Variants in PHKB observed in about 807,000 individuals in gnomAD.
PHKB encodes phosphorylase kinase regulatory subunit beta, also known as phosphorylase b kinase regulatory subunit beta.
Under a neutral mutation model 152.1 loss-of-function variants are expected in PHKB, and 122 were observed. The observed-to-expected ratio is 0.80, with a 90% CI of 0.69 to 0.93. The LOEUF (loss-of-function observed/expected upper bound fraction) is 0.93, where lower values mean the gene tolerates loss of function less well. PHKB is among the 40% of genes least tolerant of loss of function. The probability of loss-of-function intolerance (pLI) is 0.00; values close to 1 mark genes in which losing one functional copy is unlikely to be tolerated. For missense variants in PHKB, 1,304 were observed against 1,328.4 expected, an observed-to-expected ratio of 0.98 and a Z score of 0.29; for synonymous variants, 436 against 464.9, an observed-to-expected ratio of 0.94 and a Z score of 0.80.
chr16:47,556,116 G>A (rs1170441903), intron 7 of PHKB, among the ~76,000 whole-genome samples: 1 of 152,166 alleles, frequency 6.6e-6, no homozygotes, highest in African/African-American at 2.4e-5. Flanking sequence ...TTTGTACATT[G>A]ATTTTGTATC....
chr16:47,510,848 A>G (rs1470536391), intron 4 of PHKB, among the ~76,000 whole-genome samples: 1 of 152,190 alleles, frequency 6.6e-6, no homozygotes. Context: ...TTTAAAAGAG[A>G]AGTAAATTAT....
chr16:47,645,165 C>T (rs1266419466), intron 16 of PHKB, among the ~76,000 whole-genome samples: 2 of 151,088 alleles, frequency 1.3e-5, no homozygotes, highest in African/African-American at 4.9e-5. Flanking sequence ...TTGTAGGTTG[C>T]CTGTTCACTC....
intron 14 of PHKB, among the ~76,000 whole-genome samples, chr16:47,633,002 G>A (rs914987599): frequency 3.3e-5 from 5 of 152,060 alleles, no homozygotes; most frequent in Non-Finnish European, 5.9e-5. Flanking sequence ...CTCTTCCACC[G>A]TACACTTAAA....
At chr16:47,475,319 A>T (rs1969849749) in intron 1 of PHKB, among the ~76,000 whole-genome samples, 1 of 152,222 alleles carries the variant, frequency 6.6e-6, no homozygotes. Flanking sequence ...AAGTTGGGAC[A>T]TCTCAAGTTC....
chr16:47,602,559 T>C (rs1272716739), intron 13 of PHKB, among the ~76,000 whole-genome samples: 1 of 150,230 alleles, frequency 6.7e-6, no homozygotes, highest in Non-Finnish European at 1.5e-5. Context: ...TTTTTTTTTT[T>C]TTTCTTTTCT....
intron 6 of PHKB, among the ~76,000 whole-genome samples, chr16:47,533,887 T>G (rs1352065408): frequency 6.6e-6 from 1 of 152,072 alleles, no homozygotes; most frequent in Non-Finnish European, 1.5e-5. Context: ...CAGCTGCAGC[T>G]GCACCAGGGA....
chr16:47,483,238 C>T (rs932925920), intron 1 of PHKB, among the ~76,000 whole-genome samples: 8 of 151,138 alleles, frequency 5.3e-5, no homozygotes, highest in East Asian at 1.9e-4. Flanking sequence ...AGTAGAGACG[C>T]GGTTTCACTA....
At chr16:47,647,400 A>C (rs2151729704) in intron 16 of PHKB, among the ~76,000 whole-genome samples, 1 of 152,300 alleles carries the variant, frequency 6.6e-6, no homozygotes. Flanking sequence ...TTGGGATTAC[A>C]GGCGTGAGCC....
chr16:47,575,113 A>G (rs781434719), intron 7 of PHKB, among the ~76,000 whole-genome samples: 1 of 152,218 alleles, frequency 6.6e-6, no homozygotes, highest in Non-Finnish European at 1.5e-5. Context: ...AATGCTCAAC[A>G]TCACTAATCA....
chr16:47,581,996 A>G (rs1475137755), intron 8 of PHKB, among the ~76,000 whole-genome samples: 1 of 152,174 alleles, frequency 6.6e-6, no homozygotes, highest in East Asian at 1.9e-4. Context: ...TGTTGCTATT[A>G]TTTATGAAGT....
chr16:47,564,321 C>T (rs1405994518), intron 7 of PHKB, among the ~76,000 whole-genome samples: 1 of 152,090 alleles, frequency 6.6e-6, no homozygotes, highest in Non-Finnish European at 1.5e-5. Flanking sequence ...CGTTTCACTG[C>T]ATCCACACCA....
intron 6 of PHKB, among the ~76,000 whole-genome samples, chr16:47,541,625 T>C (rs1297298780): frequency 6.6e-6 from 1 of 152,194 alleles, no homozygotes; most frequent in Non-Finnish European, 1.5e-5. Context: ...AGTGTAAAAG[T>C]GTTCCTATTT....
rs764252270 is a variant in PHKB, at chr16:47,693,488, C to A, written c.2876C>A (p.Ala959Asp). Residue 959 changes from alanine to aspartate, a missense_variant, in exon 28 of 31, where the codon GCT becomes GAT. Physicochemically the swap from Ala to Asp is moderately radical, Grantham distance 126. Coordinates refer to ENST00000323584, the MANE Select transcript of PHKB (RefSeq NM_000293.3). ...LERTPNGIIV[A>D]GKHLPQQPTL... Reference sequence around the variant, plus strand: ...CGCACGCCCAATGGGATCATTGTTGCTGGGAAGCATTTGCCTCAGGTAAAG... The same window carrying A: ...CGCACGCCCAATGGGATCATTGTTGATGGGAAGCATTTGCCTCAGGTAAAG... The A allele has an allele frequency of 1.9e-6, 3 of 1,614,026 alleles. No homozygotes were observed. In the Admixed American group the frequency reaches 5.0e-5, roughly 27 times the overall value.
At chr16:47,487,630 G>A (rs181559999) in intron 1 of PHKB, among the ~76,000 whole-genome samples, 6 of 152,138 alleles carry the variant, frequency 3.9e-5, no homozygotes, top group Non-Finnish European at 5.9e-5. Context: ...TGTGTCTATT[G>A]TTCCCTTCTT....
At chr16:47,682,364 A>T (rs1973876499) in intron 26 of PHKB, among the ~76,000 whole-genome samples, 3 of 152,124 alleles carry the variant, frequency 2.0e-5, no homozygotes, top group South Asian at 4.1e-4. Flanking sequence ...GTGTTTTCCA[A>T]CTTGGTTCCA....
Position 47,463,968 on chromosome 16 carries a change from T to A in PHKB, c.76+2542T>A. The A allele has an allele frequency of 6.2e-7, 1 of 1,613,620 alleles. No individual in the cohort carries two copies. On this transcript the variant is annotated intron_variant, in intron 1 of 30. Transcript: ENST00000323584. ...CCTGCTCACCTGATGCAGTCGTCTCTCCGTCTTCCGCTTTCTTAAGGTCTG... is the reference window on the plus strand; with the variant it reads ...CCTGCTCACCTGATGCAGTCGTCTCACCGTCTTCCGCTTTCTTAAGGTCTG...
chr16:47,466,583 G>C (rs1006639853), intron 1 of PHKB, among the ~76,000 whole-genome samples: 2 of 152,176 alleles, frequency 1.3e-5, no homozygotes, highest in African/African-American at 4.8e-5. Context: ...TTATCAGCCA[G>C]CTGGTAAGTG....
chr16:47,658,449 A>C (rs971360030), intron 20 of PHKB, among the ~76,000 whole-genome samples: 2 of 152,052 alleles, frequency 1.3e-5, no homozygotes, highest in Non-Finnish European at 2.9e-5. Flanking sequence ...TGACATAATA[A>C]ATACATATAT....
At chr16:47,560,692 C>G (rs549441659) in intron 7 of PHKB, among the ~76,000 whole-genome samples, 6 of 152,234 alleles carry the variant, frequency 3.9e-5, no homozygotes, top group African/African-American at 1.4e-4. Flanking sequence ...AGTGCTGGGA[C>G]AGCTGGATGT....
Sources: gnomAD v4.1 joint callset for allele counts (sites outside exome capture counted in the v4.1 genomes callset) on GRCh38, gnomAD v4.1.1 for gene constraint, MANE v1.5 for transcripts, NCBI Gene and HGNC (gene_info 2026-07-23, HGNC 2026-07-21) for gene names.